The following IARS1 variants were observed in gnomAD, a reference collection of about 807,000 sequenced individuals.
IARS1 encodes isoleucyl-tRNA synthetase 1, also known as isoleucine--tRNA ligase, cytoplasmic.
IARS1 carries 124 observed loss-of-function variants against 168.2 expected under a neutral mutation model. That is an observed-to-expected ratio of 0.74 (90% CI 0.64 to 0.86). The LOEUF (loss-of-function observed/expected upper bound fraction) is 0.86. Ranked by LOEUF, IARS1 falls within the 40% of genes least tolerant of loss-of-function variation. The probability of loss-of-function intolerance (pLI) is 0.00; values close to 1 mark genes in which losing one functional copy is unlikely to be tolerated. For missense variants in IARS1, 1,452 were observed against 1,515.8 expected, an observed-to-expected ratio of 0.96 and a Z score of 0.70; for synonymous variants, 532 against 529.4, an observed-to-expected ratio of 1.00 and a Z score of -0.07.
At chr9:92,268,941 C>T (rs75451731) in intron 13 of IARS1, among the ~76,000 whole-genome samples, 211 of 152,296 alleles carry the variant, frequency 1.4e-3, no homozygotes, top group African/African-American at 4.6e-3. Flanking sequence ...AAATCCTTTT[C>T]AAGCACAAGG....
At chr9:92,229,211 G>C (rs1289788850) in intron 30 of IARS1, 85 bp from the exon 31 acceptor site, 11 of 1,420,450 alleles carry the variant, frequency 7.7e-6, no homozygotes, top group East Asian at 2.3e-5. Context: ...GGATACAAAG[G>C]GGTTCAAGCC....
chr9:92,252,363 A>T (rs756722362), intron 21 of IARS1: 3 of 515,560 alleles, frequency 5.8e-6, no homozygotes, highest in South Asian at 4.2e-5. Context: ...ATCCAGAGAC[A>T]ACTACTGTAA....
chr9:92,255,997 A>C (rs1466831818), intron 20 of IARS1, among the ~76,000 whole-genome samples: 1 of 152,100 alleles, frequency 6.6e-6, no homozygotes, highest in Non-Finnish European at 1.5e-5. Context: ...GTACCCCATA[A>C]ATATATACAT....
intron 14 of IARS1, among the ~76,000 whole-genome samples, chr9:92,267,098 G>T (rs866495630): frequency 3.3e-5 from 5 of 152,224 alleles, no homozygotes; most frequent in Non-Finnish European, 5.9e-5. Context: ...GCTTGGACCC[G>T]ATTAAAGCAA....
intron 30 of IARS1, among the ~76,000 whole-genome samples, chr9:92,236,864 G>A (rs987899748): frequency 6.6e-6 from 1 of 152,166 alleles, no homozygotes; most frequent in Admixed American, 6.6e-5. Context: ...TACATATGGA[G>A]ATTTATTCAT....
At chr9:92,249,369 T>A (rs1385764252) in intron 25 of IARS1, among the ~76,000 whole-genome samples, 2 of 152,030 alleles carry the variant, frequency 1.3e-5, no homozygotes, top group Non-Finnish European at 2.9e-5. Flanking sequence ...CTGGCCAACA[T>A]GATGAAACCC....
intron 6 of IARS1, among the ~76,000 whole-genome samples, chr9:92,282,564 A>T (rs1389945883): frequency 1.3e-5 from 2 of 152,012 alleles, no homozygotes; most frequent in Non-Finnish European, 2.9e-5. Flanking sequence ...CAAGCTCTGG[A>T]GTTTGAGACC....
chr9:92,247,368 GAC>G lies in IARS1; in HGVS notation c.2791+7_2791+8del. 6.2e-7 allele frequency: 1 copy of G among 1,612,274 alleles called. No homozygotes were observed. Among genetic ancestry groups the G allele is most frequent in the East Asian group, 2.2e-5 (1 of 44,870 alleles). On this transcript the variant is annotated splice_region_variant and intron_variant, in intron 26 of 33. Coordinates refer to ENST00000443024, the MANE Select transcript of IARS1 (RefSeq NM_002161.6). Reference sequence around the variant, plus strand: ...CATAAATGGTGCCCTTGTCTGTGTAGACACCTACCAGTCTTCTGGAACTGCTC... The same window carrying G: ...CATAAATGGTGCCCTTGTCTGTGTAGACCTACCAGTCTTCTGGAACTGCTC...
In IARS1 at chr9:92,250,716, A is replaced by G; in HGVS notation, c.2426T>C (p.Val809Ala). 1 of 1,607,464 alleles carries G rather than the reference A, an allele frequency of 6.2e-7. No individual in the cohort carries two copies. ...CTTATTTCTATTTGAGTCCTACCGA[A>G]CACGGGGCAGCATGAGGTAGTGAAT... is the stretch of plus-strand genomic sequence containing the variant. ...LSIHYLMLPR[V>A]REELIDKKTE... The change falls in exon 23 of 34, where the codon GTT becomes GCT. Residue 809 changes from valine to alanine, a missense_variant. Transcript: ENST00000443024.
At chr9:92,283,666 A>G (rs917960876) in intron 6 of IARS1, among the ~76,000 whole-genome samples, 6 of 152,150 alleles carry the variant, frequency 3.9e-5, no homozygotes, top group Non-Finnish European at 8.8e-5. Flanking sequence ...AAAACAAAGT[A>G]TACTCTGACT....
At chr9:92,230,417 T>C (rs1462734316) in intron 30 of IARS1, among the ~76,000 whole-genome samples, 3 of 152,166 alleles carry the variant, frequency 2.0e-5, no homozygotes, top group African/African-American at 7.2e-5. Flanking sequence ...CTGGCCTCAG[T>C]TGGCATCAAT....
chr9:92,272,115 T>G (rs3780340), intron 10 of IARS1, among the ~76,000 whole-genome samples: 1 of 152,234 alleles, frequency 6.6e-6, no homozygotes, highest in Non-Finnish European at 1.5e-5. Flanking sequence ...AAGAAGTAAC[T>G]CAGCTATGAA....
rs375875271 is a variant in IARS1 at position 92,219,069 on chromosome 9, T to C, written c.3706+3451A>G. ...AAACAGCATGGTACTGGTACCAAAA[T>C]AGAGATATAGATCAATGGAACAGAA... On this transcript the variant is annotated intron_variant, in intron 33 of 33. Transcript: ENST00000443024. 1.3e-3 allele frequency among the ~76,000 whole-genome samples: 197 copies of C among 152,126 alleles called. 2 individuals are homozygous for C. The highest frequency in any genetic ancestry group is 6.8e-3 in the Middle Eastern group (2 of 294).
chr9:92,262,032 G>A (rs1371782527), intron 17 of IARS1, among the ~76,000 whole-genome samples: 3 of 149,612 alleles, frequency 2.0e-5, no homozygotes, highest in Admixed American at 6.6e-5. Context: ...TTACAAGCAT[G>A]AGCCATAGCA....
intron 20 of IARS1, among the ~76,000 whole-genome samples, chr9:92,254,137 T>C (rs1256629168): frequency 1.3e-5 from 2 of 152,088 alleles, no homozygotes; most frequent in Non-Finnish European, 2.9e-5. Flanking sequence ...ATGAATAAAA[T>C]AGAACTGGCC....
At chr9:92,223,683 G>A (rs1023328086) in intron 31 of IARS1, among the ~76,000 whole-genome samples, 194 bp from the exon 32 acceptor site, 1 of 152,066 alleles carries the variant, frequency 6.6e-6, no homozygotes, top group African/African-American at 2.4e-5. Context: ...TCTCAATGTT[G>A]CAAAACAAAC....
At position 92,271,601 on chromosome 9, in the gene IARS1, C is replaced by A; in HGVS notation, c.1045G>T (p.Val349Phe). 6.2e-7 allele frequency: 1 copy of A among 1,614,090 alleles called. No individual in the cohort carries two copies. Among genetic ancestry groups the A allele is most frequent in the South Asian group, 1.1e-5 (1 of 91,088 alleles). ...FNIIRKDSLP[V>F]CPVDASGCFT... ...CAGCCTGAAGCATCCACAGGGCAAA[C>A]AGGGAGTGAGTCTTTCCGAATAATG... The change falls in exon 11 of 34, where the codon GTT becomes TTT. Residue 349 changes from valine to phenylalanine, a missense_variant. Coordinates refer to ENST00000443024, the MANE Select transcript of IARS1 (RefSeq NM_002161.6).
Position 92,287,859 on chromosome 9 carries a change from T to G in IARS1, c.328A>C (p.Lys110Gln). 6.2e-7 allele frequency: 1 copy of G among 1,613,980 alleles called. No individual in the cohort carries two copies. Among genetic ancestry groups the G allele is most frequent in the Non-Finnish European group, 8.5e-7 (1 of 1,179,908 alleles). ...TTGTTATACTCTGTAATCCCCATTT[T>G]GGCCACATCCTCTGGTCCTCTGATT... ...LGIRGPEDVA[K>Q]MGITEYNNQC... The change falls in exon 4 of 34, where the codon AAA becomes CAA. Residue 110 changes from lysine (K) to glutamine (Q), a missense_variant. Lys to Gln is a moderately conservative substitution (Grantham distance 53, BLOSUM62 1). Coordinates refer to ENST00000443024, the MANE Select transcript of IARS1 (RefSeq NM_002161.6).
chr9:92,243,205 GACAA>G lies in IARS1; in HGVS notation c.3000+7_3000+10del, dbSNP rs1367030781. On this transcript the variant is annotated splice_region_variant and intron_variant, in intron 28 of 33. Transcript: ENST00000443024. ...CCAAAACAGTAGCTTATTCTTAACT[GACAA>G]ACTAACCTTTTTGCGAAGTTTCTGT... The G allele has an allele frequency of 5.0e-6, 8 of 1,606,880 alleles. No individual in the cohort carries two copies. The highest frequency in any genetic ancestry group is 6.8e-6 in the Non-Finnish European group (8 of 1,173,950).
Sources: gnomAD v4.1 joint callset for allele counts (sites outside exome capture counted in the v4.1 genomes callset) on GRCh38, gnomAD v4.1.1 for gene constraint, MANE v1.5 for transcripts, NCBI Gene and HGNC (gene_info 2026-07-23, HGNC 2026-07-21) for gene names.